Variants in SPAG16 observed in about 807,000 individuals in gnomAD.
SPAG16 encodes the protein sperm-associated antigen 16 protein.
A neutral mutation model predicts 80.4 loss-of-function variants in SPAG16; 86 were observed. The ratio of observed to expected loss-of-function variants is 1.07; its 90% confidence interval spans 0.90 to 1.28. The LOEUF is 1.28. SPAG16 is among the 50% of genes most tolerant of loss of function. The pLI, the probability that SPAG16 is intolerant of heterozygous loss-of-function variation, is 0.00. For missense variants in SPAG16, 870 were observed against 765.3 expected, an observed-to-expected ratio of 1.14 and a Z score of -1.61; for synonymous variants, 294 against 265.9, an observed-to-expected ratio of 1.11 and a Z score of -1.03.
intron 14 of SPAG16, among the ~76,000 whole-genome samples, chr2:214,123,364 T>C (rs922171055): frequency 2.0e-5 from 3 of 152,018 alleles, no homozygotes; most frequent in Non-Finnish European, 4.4e-5. Flanking sequence ...AGCAACATAA[T>C]TATGTCATAT....
chr2:213,838,622 T>C (rs1003546732), intron 10 of SPAG16, among the ~76,000 whole-genome samples: 1 of 152,226 alleles, frequency 6.6e-6, no homozygotes, highest in Non-Finnish European at 1.5e-5. Context: ...AATTGGGCAA[T>C]ACCTTTTTCT....
chr2:214,150,873 C>T (rs1444810399), intron 15 of SPAG16, among the ~76,000 whole-genome samples: 2 of 152,132 alleles, frequency 1.3e-5, no homozygotes, highest in East Asian at 3.9e-4. Flanking sequence ...TTCTGTCATA[C>T]AGGTCAGTGT....
chr2:213,344,327 C>G (rs1487044703), intron 6 of SPAG16, among the ~76,000 whole-genome samples: 1 of 152,014 alleles, frequency 6.6e-6, no homozygotes, highest in Non-Finnish European at 1.5e-5. Flanking sequence ...CTATCTTTTT[C>G]CAAGTTTTGA....
intron 3 of SPAG16, among the ~76,000 whole-genome samples, chr2:213,309,472 G>A (rs929260809): frequency 6.6e-6 from 1 of 152,032 alleles, no homozygotes; most frequent in South Asian, 2.1e-4. Context: ...ATAATTAAAA[G>A]CATTAAAAGG....
chr2:213,753,970 T>C (rs776409388), intron 10 of SPAG16, among the ~76,000 whole-genome samples: 6 of 152,302 alleles, frequency 3.9e-5, no homozygotes, highest in Admixed American at 2.0e-4. Flanking sequence ...AGCCGTGACA[T>C]AGGTTAGAAG....
chr2:213,630,453 A>G (rs527667170), intron 10 of SPAG16, among the ~76,000 whole-genome samples: 92 of 152,296 alleles, frequency 6.0e-4, no homozygotes, highest in Non-Finnish European at 8.5e-4. Flanking sequence ...TTCATCATCA[A>G]TTATATCATG....
chr2:214,337,263 G>A (rs1427973490), intron 15 of SPAG16, among the ~76,000 whole-genome samples: 1 of 152,150 alleles, frequency 6.6e-6, no homozygotes, highest in Admixed American at 6.5e-5. Flanking sequence ...TAGGAAGCTT[G>A]TTGTAAAAAT....
intron 15 of SPAG16, among the ~76,000 whole-genome samples, chr2:214,389,571 GT>G (rs879854091): frequency 6.6e-6 from 1 of 152,236 alleles, no homozygotes; most frequent in Non-Finnish European, 1.5e-5. Context: ...AATGTAGAAT[GT>G]TTGTACTGCC....
chr2:213,369,206 G>T (rs539947636), intron 8 of SPAG16, among the ~76,000 whole-genome samples: 10 of 152,220 alleles, frequency 6.6e-5, no homozygotes, highest in Admixed American at 2.0e-4. Flanking sequence ...TGTACAGCAG[G>T]AAATACTAAA....
chr2:213,841,554 C>T (rs905396074), intron 10 of SPAG16, among the ~76,000 whole-genome samples: 1 of 152,056 alleles, frequency 6.6e-6, no homozygotes, highest in Non-Finnish European at 1.5e-5. Flanking sequence ...TTGTTCTTTT[C>T]ATGCTTATAA....
chr2:214,271,341 AAATAAGTCCCTT>A (rs1331276122), intron 15 of SPAG16, among the ~76,000 whole-genome samples: 1 of 152,220 alleles, frequency 6.6e-6, no homozygotes, highest in Non-Finnish European at 1.5e-5. Flanking sequence ...TACTGAATGT[AAATAAGTCCCTT>A]ATGATACCAA....
At chr2:214,143,580 T>C (rs1040718064) in intron 14 of SPAG16, among the ~76,000 whole-genome samples, 12 of 152,176 alleles carry the variant, frequency 7.9e-5, no homozygotes, top group Non-Finnish European at 1.8e-4. Flanking sequence ...AAAACATTTT[T>C]TTCTGAGTTT....
chr2:213,870,487 G>C (rs1316513366), intron 11 of SPAG16, among the ~76,000 whole-genome samples: 1 of 152,148 alleles, frequency 6.6e-6, no homozygotes, highest in Admixed American at 6.5e-5. Flanking sequence ...GCAGAATCTG[G>C]TTATACACAA....
intron 9 of SPAG16, among the ~76,000 whole-genome samples, chr2:213,470,710 T>C (rs2073031512): frequency 6.6e-6 from 1 of 152,238 alleles, no homozygotes; most frequent in South Asian, 2.1e-4. Context: ...ATGGGCCCAT[T>C]GGGCCATGAC....
chr2:214,387,270 T>G (rs1474330406), intron 15 of SPAG16, among the ~76,000 whole-genome samples: 1 of 152,212 alleles, frequency 6.6e-6, no homozygotes, highest in Non-Finnish European at 1.5e-5. Flanking sequence ...TTAACAAATA[T>G]TCATTGAATT....
intron 12 of SPAG16, among the ~76,000 whole-genome samples, chr2:213,944,029 T>C (rs1438255659): frequency 6.6e-6 from 1 of 152,168 alleles, no homozygotes; most frequent in Non-Finnish European, 1.5e-5. Flanking sequence ...GACCCTCAAG[T>C]CATTTTCAGA....
intron 10 of SPAG16, among the ~76,000 whole-genome samples, chr2:213,826,274 T>C (rs1400956053): frequency 6.6e-6 from 1 of 151,870 alleles, no homozygotes; most frequent in Non-Finnish European, 1.5e-5. Context: ...TTATTATTTA[T>C]TTTATTATTC....
chr2:213,524,549 C>T lies in SPAG16; in HGVS notation c.1070+34459C>T, dbSNP rs574256894. Among the ~76,000 whole-genome samples, 130 of 152,322 alleles carry T rather than the reference C, an allele frequency of 8.5e-4. 1 individual carries two copies. Among genetic ancestry groups the T allele is most frequent in the Non-Finnish European group, 3.7e-4 (25 of 68,024 alleles). ...GGGAAGGAGGTTGTACCATGCAAAG[C>T]CACAGGGGTGGAGCTGCCCAAGGCC... On this transcript the variant is annotated intron_variant, in intron 10 of 15. Coordinates refer to ENST00000331683, the MANE Select transcript of SPAG16 (RefSeq NM_024532.5).
Position 213,993,125 on chromosome 2 carries a change from T to A in SPAG16, c.1401-20826T>A, listed in dbSNP as rs558266002. Among the ~76,000 whole-genome samples the A allele has an allele frequency of 2.0e-4, 30 of 152,268 alleles. No individual in the cohort carries two copies. The South Asian group carries it at 5.8e-3, about 29-fold the overall frequency. On this transcript the variant is annotated intron_variant, in intron 12 of 15. Transcript: ENST00000331683. ...TTGAAACAGAAGAGTATGCTCAGCG[T>A]GAAACTAAGAGACAGCTTACAGAGA...
Sources: gnomAD v4.1 joint callset for allele counts (sites outside exome capture counted in the v4.1 genomes callset) on GRCh38, gnomAD v4.1.1 for gene constraint, MANE v1.5 for transcripts, NCBI Gene and HGNC (gene_info 2026-07-23, HGNC 2026-07-21) for gene names.